CAST: variants seen among roughly 807,000 people sequenced by gnomAD.
The protein encoded by CAST is MIR583 host.
Under a neutral mutation model 119.6 loss-of-function variants are expected in CAST, and 76 were observed. That is an observed-to-expected ratio of 0.64 (90% confidence interval 0.53 to 0.77). The LOEUF (loss-of-function observed/expected upper bound fraction) is 0.77, where lower values mean the gene tolerates loss of function less well. Among genes scored for constraint, CAST ranks in the 30% least tolerant of loss-of-function variants. The pLI, the probability that CAST is intolerant of heterozygous loss-of-function variation, is 0.00. For missense variants in CAST, 953 were observed against 946.5 expected (o/e 1.01, Z -0.09); for synonymous variants, 319 against 331.6 (o/e 0.96, Z 0.41).
At chr5:96,756,579 A>C (rs1766374774) in intron 22 of CAST, among the ~76,000 whole-genome samples, 1 of 152,154 alleles carries the variant, frequency 6.6e-6, no homozygotes, top group Non-Finnish European at 1.5e-5. Context: ...TCAGGTCAGC[A>C]CTCAAAAAGT....
At chr5:96,507,990 CATTATTATTATT>C in the CAST span, among the ~76,000 whole-genome samples, 6,467 of 142,246 alleles carry the variant, frequency 0.045, 447 homozygotes, top group African/African-American at 0.15. Flanking sequence ...ATATCCCTGA[CATTATTATTATT>C]ATTATTATTA....
chr5:96,632,847 A>G (rs1416869878), intron 1 of CAST, among the ~76,000 whole-genome samples: 1 of 152,192 alleles, frequency 6.6e-6, no homozygotes, highest in Non-Finnish European at 1.5e-5. Flanking sequence ...TAAATTGGGA[A>G]GTGTGAGTTC....
chr5:96,276,501 G>T, the CAST span, among the ~76,000 whole-genome samples: 1 of 152,252 alleles, frequency 6.6e-6, no homozygotes, highest in Admixed American at 6.5e-5. Context: ...ACAAAGAAAA[G>T]AACTGAGATT....
the CAST span, among the ~76,000 whole-genome samples, chr5:96,233,021 C>T: frequency 6.6e-6 from 1 of 152,126 alleles, no homozygotes; most frequent in South Asian, 2.1e-4. Context: ...GGGGAAACAA[C>T]CTAACAACCC....
the CAST span, among the ~76,000 whole-genome samples, chr5:96,314,297 T>G: frequency 6.6e-6 from 1 of 152,236 alleles, no homozygotes; most frequent in African/African-American, 2.4e-5. Context: ...CCAATTTTCT[T>G]TTCATCCTTG....
intron 1 of CAST, among the ~76,000 whole-genome samples, chr5:96,580,019 G>A (rs8180437): frequency 0.072 from 10,994 of 152,282 alleles, 917 homozygotes; most frequent in East Asian, 0.31. Flanking sequence ...CAGGATCAAA[G>A]TCACTGTAGT....
At chr5:96,402,805 T>G in the CAST span, among the ~76,000 whole-genome samples, 7 of 152,222 alleles carry the variant, frequency 4.6e-5, no homozygotes, top group East Asian at 1.4e-3. Flanking sequence ...ACATACCACT[T>G]TACCCTGGAG....
chr5:96,685,997 C>T (rs1752038375), intron 2 of CAST, among the ~76,000 whole-genome samples: 1 of 152,028 alleles, frequency 6.6e-6, no homozygotes, highest in Admixed American at 6.5e-5. Context: ...CTCCTTTTCC[C>T]CCCTGACCAA....
chr5:96,393,258 G>A, the CAST span: 9 of 1,613,960 alleles, frequency 5.6e-6, no homozygotes, highest in East Asian at 4.5e-5. Context: ...TGCAGGAGTC[G>A]CAGCATGGCC....
At chr5:96,386,108 G>A in the CAST span, among the ~76,000 whole-genome samples, 4 of 152,134 alleles carry the variant, frequency 2.6e-5, no homozygotes, top group African/African-American at 9.7e-5. Context: ...ACAATGCACT[G>A]TGCTGTGAAT....
chr5:96,342,203 A>G, the CAST span, among the ~76,000 whole-genome samples: 1 of 152,208 alleles, frequency 6.6e-6, no homozygotes, highest in Non-Finnish European at 1.5e-5. Context: ...CTGAGGACAC[A>G]TGGGAAGAGC....
chr5:96,525,658 G>A (rs187623015), upstream of CAST, among the ~76,000 whole-genome samples: 14 of 152,116 alleles, frequency 9.2e-5, no homozygotes, highest in South Asian at 2.1e-4. Context: ...ATTGTAATCC[G>A]GTGTTTCTGG....
the CAST span, among the ~76,000 whole-genome samples, chr5:96,373,144 ACT>A: frequency 6.6e-6 from 1 of 152,114 alleles, no homozygotes; most frequent in Non-Finnish European, 1.5e-5. Flanking sequence ...AAAGCTGAAC[ACT>A]CTGACAGCTG....
chr5:96,522,438 C>A (rs1276523153), upstream of CAST, among the ~76,000 whole-genome samples: 1 of 152,100 alleles, frequency 6.6e-6, no homozygotes, highest in Non-Finnish European at 1.5e-5. Context: ...CTAGGCAAAT[C>A]TCTATTAACC....
chr5:96,360,103 C>G, the CAST span, among the ~76,000 whole-genome samples: 1 of 151,758 alleles, frequency 6.6e-6, no homozygotes, highest in African/African-American at 2.4e-5. Flanking sequence ...TCTCTGATAT[C>G]CTTTCTTCTG....
intron 2 of CAST, among the ~76,000 whole-genome samples, chr5:96,694,650 C>CA (rs1384074755): frequency 6.6e-5 from 10 of 152,024 alleles, no homozygotes; most frequent in African/African-American, 2.4e-4. Context: ...AACAAACAAA[C>CA]AAACAAAAAA....
the CAST span, among the ~76,000 whole-genome samples, chr5:96,356,280 G>T: frequency 1.3e-5 from 2 of 152,140 alleles, no homozygotes; most frequent in Non-Finnish European, 2.9e-5. Context: ...TCATTCTGTA[G>T]GTTGCCTGTT....
chr5:96,646,140 T>A (rs1748012652), intron 1 of CAST, among the ~76,000 whole-genome samples: 1 of 152,186 alleles, frequency 6.6e-6, no homozygotes, highest in Non-Finnish European at 1.5e-5. Context: ...CCACCGTCAA[T>A]ATTGCAGAGA....
At chr5:96,293,551 C>T in the CAST span, among the ~76,000 whole-genome samples, 14 of 152,076 alleles carry the variant, frequency 9.2e-5, no homozygotes, top group African/African-American at 3.1e-4. Context: ...GCTGGGATTA[C>T]AGGCATGAGC....
Sources: allele counts gnomAD v4.1 joint callset (sites outside exome capture counted in the v4.1 genomes callset), GRCh38; gene constraint gnomAD v4.1.1; transcripts MANE v1.5; gene names NCBI Gene and HGNC (gene_info 2026-07-23, HGNC 2026-07-21).